ZFP69: variants seen among roughly 807,000 people sequenced by gnomAD.
The protein encoded by ZFP69 is ZFP69 zinc finger protein, also known as zinc finger protein 69 homolog.
ZFP69 carries 35 observed loss-of-function variants against 48.9 expected under a neutral mutation model. That is an observed-to-expected ratio of 0.72 (90% CI 0.55 to 0.95). The LOEUF is 0.95. ZFP69 is among the 40% of genes least tolerant of loss of function. The pLI is 0.00. For missense variants in ZFP69, 557 were observed against 638.4 expected (o/e 0.87, Z 1.37); for synonymous variants, 193 against 216.8 (o/e 0.89, Z 0.96).
chr1:40,490,951 A>C (rs1340145008), intron 5 of ZFP69: 3 of 152,212 alleles, frequency 2.0e-5, no homozygotes, highest in Non-Finnish European at 4.4e-5. Context: ...ACCTAGACTA[A>C]GAAATGAAAC....
At position 40,481,794 on chromosome 1, in the gene ZFP69, G is replaced by A; in HGVS notation, c.159G>A (p.Lys53=). 1 of 1,612,870 alleles carries A rather than the reference G, an allele frequency of 6.2e-7. No individual in the cohort carries two copies. Among genetic ancestry groups the A allele is most frequent in the Non-Finnish European group, 8.5e-7 (1 of 1,179,146 alleles). Residue 53 remains lysine (K), a synonymous_variant, in exon 3 of 6, where the codon AAG becomes AAA. Transcript: ENST00000372706. ...ALLSQDAEDV[K]TQRESLEDEV... ...TGTCTCAGGATGCTGAGGACGTAAA[G>A]ACCCAGAGAGAAAGTTTAGAGGATG...
At chr1:40,494,256 A>AATT (rs1645599495) in intron 5 of ZFP69, among the ~76,000 whole-genome samples, 1 of 52,032 alleles carries the variant, frequency 1.9e-5, no homozygotes, top group African/African-American at 8.1e-5. Flanking sequence ...AAGATTCAAA[A>AATT]TTTTTTTTTT....
Position 40,495,008 on chromosome 1 carries a change from G to A in ZFP69, c.530G>A (p.Ser177Asn). The change falls in exon 6 of 6, where the codon AGT becomes AAT. Residue 177 changes from serine (S) to asparagine (N), a missense_variant. By Grantham distance (46) the Ser-to-Asn change is conservative. Transcript: ENST00000372706. Reference protein sequence around the residue: ...ERLYHGIMMESFMRDDIIYST... With the variant: ...ERLYHGIMMENFMRDDIIYST... ...TTATATCATGGCATTATGATGGAAA[G>A]TTTCATGAGGGATGATATAATTTAT... The A allele has an allele frequency of 1.2e-6, 2 of 1,613,932 alleles. No individual in the cohort carries two copies. Among genetic ancestry groups the A allele is most frequent in the Non-Finnish European group, 1.7e-6 (2 of 1,179,996 alleles).
At chr1:40,478,122 T>TCACACACACACACACA (rs5773698) in intron 1 of ZFP69, among the ~76,000 whole-genome samples, 1,647 of 147,210 alleles carry the variant, frequency 0.011, 22 homozygotes, top group Middle Eastern at 0.031. Flanking sequence ...CTGCATATAG[T>TCACACACACACACACA]CACACACACA....
intron 3 of ZFP69, among the ~76,000 whole-genome samples, chr1:40,487,063 T>C (rs1645508092): frequency 6.6e-6 from 1 of 151,960 alleles, no homozygotes; most frequent in Non-Finnish European, 1.5e-5. Context: ...TAGCTGGGAC[T>C]ACAGGCATGC....
intron 1 of ZFP69, among the ~76,000 whole-genome samples, chr1:40,478,821 C>T (rs1645415762): frequency 6.6e-6 from 1 of 151,964 alleles, no homozygotes; most frequent in Admixed American, 6.6e-5. Context: ...CAAAGCCTGC[C>T]CTCTTAAACC....
rs192426570 is a variant in ZFP69, at chr1:40,490,091, A to G, written c.442+467A>G. On this transcript the variant is annotated intron_variant, in intron 5 of 5. Coordinates refer to ENST00000372706, the MANE Select transcript of ZFP69 (RefSeq NM_001320179.2). ...CACCATGTTGGCCAGGATGGTCTTG[A>G]TCTCGACCTTGTGATCTGCCCACCT... 1.4e-3 allele frequency among the ~76,000 whole-genome samples: 209 copies of G among 151,776 alleles called. 1 individual carries two copies. The highest frequency in any genetic ancestry group is 4.8e-3 in the African/African-American group (197 of 41,412).
rs1401086889 is a variant in ZFP69, at chr1:40,495,946, AC to A, written c.1469del (p.Thr490MetfsTer44). On this transcript the variant is annotated frameshift_variant, in exon 6 of 6. Coordinates refer to ENST00000372706, the MANE Select transcript of ZFP69 (RefSeq NM_001320179.2). LOFTEE classifies it high-confidence loss of function. ...SSFKKHQRHHTGEKPYECNEC... is the reference protein window; with the variant it reads ...SSFKKHQRHHXGEKPYECNEC... ...CTTTAAAAAACATCAGAGACATCAC[AC>A]TGGAGAAAAACCTTACGAATGTAAC... 1 of 1,614,196 alleles carries A rather than the reference AC, an allele frequency of 6.2e-7. No homozygotes were observed. Among genetic ancestry groups the A allele is most frequent in the Non-Finnish European group, 8.5e-7 (1 of 1,180,038 alleles).
chr1:40,487,628 A>G (rs12022452), intron 3 of ZFP69, among the ~76,000 whole-genome samples: 22,368 of 152,244 alleles, frequency 0.15, 2,268 homozygotes, highest in East Asian at 0.44. Flanking sequence ...ATAATTTTAT[A>G]GCTATCTCCT....
At chr1:40,484,357 A>C (rs1645473874) in intron 3 of ZFP69, among the ~76,000 whole-genome samples, 1 of 151,440 alleles carries the variant, frequency 6.6e-6, no homozygotes, top group South Asian at 2.1e-4. Flanking sequence ...CTGCCACCAC[A>C]CCTGGCTAAT....
intron 2 of ZFP69, among the ~76,000 whole-genome samples, chr1:40,481,353 T>G (rs1281904458): frequency 6.6e-6 from 1 of 152,106 alleles, no homozygotes; most frequent in East Asian, 1.9e-4. Flanking sequence ...TTGGGCAGAT[T>G]GTAGAGTGCC....
chr1:40,487,601 C>G (rs1015499125), intron 3 of ZFP69, among the ~76,000 whole-genome samples: 40 of 152,082 alleles, frequency 2.6e-4, no homozygotes, highest in African/African-American at 9.4e-4. Context: ...CTATAGTACA[C>G]CTAGTGTATT....
intron 2 of ZFP69, among the ~76,000 whole-genome samples, chr1:40,481,116 G>A (rs1645439284): frequency 6.6e-6 from 1 of 152,296 alleles, no homozygotes; most frequent in South Asian, 2.1e-4. Context: ...CTGGTTGTAT[G>A]TATTTAAGAA....
intron 3 of ZFP69, among the ~76,000 whole-genome samples, chr1:40,485,449 T>C (rs952114807): frequency 1.3e-5 from 2 of 152,186 alleles, no homozygotes; most frequent in African/African-American, 4.8e-5. Context: ...TTGTTTTACA[T>C]GTAAAAACAC....
chr1:40,479,580 A>G, intron 2 of ZFP69, 92 bp downstream of exon 2: 1 of 1,430,592 alleles, frequency 7.0e-7, no homozygotes, highest in Admixed American at 2.6e-5. Flanking sequence ...AGAAGGAGGG[A>G]GAGAAGGTCT....
chr1:40,484,883 C>CTTT (rs71060386), intron 3 of ZFP69, among the ~76,000 whole-genome samples: 612 of 44,374 alleles, frequency 0.014, 194 homozygotes, highest in East Asian at 0.091. Flanking sequence ...GCCTGGCCTG[C>CTTT]TTTTTTTTTT....
intron 5 of ZFP69, among the ~76,000 whole-genome samples, 183 bp downstream of exon 5, chr1:40,489,807 A>G (rs899932333): frequency 6.6e-6 from 1 of 151,944 alleles, no homozygotes; most frequent in Non-Finnish European, 1.5e-5. Context: ...AAGGCATATC[A>G]CATGGTGGGA....
Position 40,495,284 on chromosome 1 carries a change from A to T in ZFP69, c.806A>T (p.Lys269Ile). The change falls in exon 6 of 6, where the codon AAA (lysine) becomes ATA (isoleucine). Residue 269 changes from lysine (K) to isoleucine (I), a missense_variant. Coordinates refer to ENST00000372706, the MANE Select transcript of ZFP69 (RefSeq NM_001320179.2). ...INHPTSYIRT[K>I]TYECNICEKI... The stretch of plus-strand genomic sequence containing the variant: ...CATCCAACAAGTTACATAAGAACAA[A>T]AACCTATGAATGTAATATATGTGAA... The T allele has an allele frequency of 6.2e-7, 1 of 1,614,068 alleles. No individual in the cohort carries two copies.
chr1:40,486,623 T>C (rs534704575), intron 3 of ZFP69, among the ~76,000 whole-genome samples: 9 of 151,690 alleles, frequency 5.9e-5, no homozygotes, highest in African/African-American at 2.2e-4. Context: ...GGTCTTCCTA[T>C]GTTGCCTAGG....
Sources: allele counts gnomAD v4.1 joint callset (sites outside exome capture counted in the v4.1 genomes callset), GRCh38; gene constraint gnomAD v4.1.1; transcripts MANE v1.5; gene names NCBI Gene and HGNC (gene_info 2026-07-23, HGNC 2026-07-21).